Variants in LYPLAL1 observed in about 807,000 individuals in gnomAD.
LYPLAL1 encodes lysophospholipase-like protein 1.
LYPLAL1 carries 23 observed loss-of-function variants against 19.7 expected under a neutral mutation model. The observed-to-expected ratio is 1.17, with a 90% CI of 0.84 to 1.65. LYPLAL1 has a LOEUF of 1.65. LYPLAL1 is among the 40% of genes most tolerant of loss of function. The probability of loss-of-function intolerance (pLI) is 0.00; values close to 1 mark genes in which losing one functional copy is unlikely to be tolerated. For synonymous variants in LYPLAL1, 119 were observed against 96.3 expected (o/e 1.24, Z -1.38); for missense variants, 355 against 279.4 (o/e 1.27, Z -1.93).
chr1:219,411,382 C>T, the LYPLAL1 span, among the ~76,000 whole-genome samples: 1 of 152,156 alleles, frequency 6.6e-6, no homozygotes, highest in Non-Finnish European at 1.5e-5. Context: ...CCAATCAACA[C>T]TGTATCTAGC....
intron 3 of LYPLAL1, among the ~76,000 whole-genome samples, chr1:219,205,195 C>A (rs11118236): frequency 0.97 from 146,279 of 151,274 alleles, 70,926 homozygotes; most frequent in East Asian, 1. Context: ...GTCTCTACTA[C>A]AAATACAAAA....
the LYPLAL1 span, among the ~76,000 whole-genome samples, chr1:219,220,102 A>T: frequency 6.6e-6 from 1 of 152,120 alleles, no homozygotes; most frequent in African/African-American, 2.4e-5. Context: ...CTATAACTTC[A>T]TCTTTTTTCC....
the LYPLAL1 span, among the ~76,000 whole-genome samples, chr1:219,413,919 A>G: frequency 1.3e-5 from 2 of 152,230 alleles, no homozygotes; most frequent in Non-Finnish European, 2.9e-5. Context: ...TATAATATAA[A>G]TTGTGATCTG....
At chr1:219,289,536 C>T in the LYPLAL1 span, among the ~76,000 whole-genome samples, 1 of 152,004 alleles carries the variant, frequency 6.6e-6, no homozygotes, top group Non-Finnish European at 1.5e-5. Context: ...AATAATATAC[C>T]ACACACATAA....
chr1:219,313,142 T>C, the LYPLAL1 span, among the ~76,000 whole-genome samples: 5 of 152,138 alleles, frequency 3.3e-5, no homozygotes, highest in Non-Finnish European at 7.4e-5. Flanking sequence ...TGTAGAGCCA[T>C]GTGCTGTGAC....
the LYPLAL1 span, among the ~76,000 whole-genome samples, chr1:219,350,212 G>A: frequency 2.0e-5 from 3 of 152,056 alleles, no homozygotes; most frequent in East Asian, 3.8e-4. Context: ...TCAGATCGAT[G>A]AAGCCACAGC....
chr1:219,212,257 A>G lies in LYPLAL1; in HGVS notation c.*529A>G, dbSNP rs1047874118. On this transcript the variant is annotated 3_prime_UTR_variant, in exon 5 of 5. Coordinates refer to ENST00000366928, the MANE Select transcript of LYPLAL1 (RefSeq NM_138794.5). ...CAATAGAGGAGTTAAAGACTTTCCC[A>G]CAGCTTGCAGGTCAAGACAAGAAAT... 1 of 152,044 alleles carries G rather than the reference A, an allele frequency of 6.6e-6. No individual in the cohort carries two copies. The highest frequency in any genetic ancestry group is 2.4e-5 in the African/African-American group (1 of 41,410). 9.4% of individuals were successfully genotyped at this position (152,044 alleles called of 1,614,324 possible).
the LYPLAL1 span, among the ~76,000 whole-genome samples, chr1:219,390,437 T>C: frequency 6.6e-6 from 1 of 151,880 alleles, no homozygotes; most frequent in Non-Finnish European, 1.5e-5. Flanking sequence ...GGACTGGGAG[T>C]CATCATCACA....
At chr1:219,405,819 G>C in the LYPLAL1 span, among the ~76,000 whole-genome samples, 2 of 152,166 alleles carry the variant, frequency 1.3e-5, no homozygotes, top group Admixed American at 1.3e-4. Flanking sequence ...GAGGGTCAGA[G>C]CCTGCCCTGA....
At chr1:219,208,903 A>G (rs1293600317) in intron 3 of LYPLAL1, among the ~76,000 whole-genome samples, 2 of 152,100 alleles carry the variant, frequency 1.3e-5, no homozygotes, top group Non-Finnish European at 2.9e-5. Flanking sequence ...TAATTTGTGT[A>G]TTTACGTAAG....
At chr1:219,193,061 G>T (rs887815355) in intron 2 of LYPLAL1, 21 bp from the exon 3 acceptor site, 3 of 1,510,648 alleles carry the variant, frequency 2.0e-6, no homozygotes, top group African/African-American at 1.4e-5. Context: ...TTTTTTTTGG[G>T]GGGGGGCGGT....
chr1:219,216,840 G>A (rs1337087395), downstream of LYPLAL1, among the ~76,000 whole-genome samples: 6 of 141,586 alleles, frequency 4.2e-5, no homozygotes, highest in East Asian at 2.1e-4. Context: ...ACAGTAAGCC[G>A]GGGCAGTCCT....
At chr1:219,343,039 C>T in the LYPLAL1 span, among the ~76,000 whole-genome samples, 6 of 152,128 alleles carry the variant, frequency 3.9e-5, no homozygotes, top group Admixed American at 2.0e-4. Flanking sequence ...CTGTATCTGG[C>T]GCTTGAGGAT....
At chr1:219,397,193 T>C in the LYPLAL1 span, among the ~76,000 whole-genome samples, 6 of 152,256 alleles carry the variant, frequency 3.9e-5, no homozygotes, top group African/African-American at 1.4e-4. Flanking sequence ...TGTCTTTAGC[T>C]ATGTTTATGT....
chr1:219,264,129 G>A, the LYPLAL1 span, among the ~76,000 whole-genome samples: 59 of 152,230 alleles, frequency 3.9e-4, no homozygotes, highest in East Asian at 9.1e-3. Flanking sequence ...CCTATCTCCA[G>A]TGTCAAAGTC....
the LYPLAL1 span, among the ~76,000 whole-genome samples, chr1:219,276,614 T>A: frequency 1.3e-5 from 2 of 152,162 alleles, no homozygotes; most frequent in Non-Finnish European, 1.5e-5. Flanking sequence ...ATGTGTAAAT[T>A]GTGCAAATGT....
At chr1:219,441,044 C>T in the LYPLAL1 span, among the ~76,000 whole-genome samples, 3 of 152,038 alleles carry the variant, frequency 2.0e-5, no homozygotes, top group Non-Finnish European at 2.9e-5. Flanking sequence ...AAGCATGATA[C>T]GTGAAACCAC....
intron 2 of LYPLAL1, among the ~76,000 whole-genome samples, chr1:219,179,945 A>G (rs1481860380): frequency 6.6e-6 from 1 of 151,990 alleles, no homozygotes. Flanking sequence ...CTACGCCCCA[A>G]TCTGATTTTT....
chr1:219,378,589 A>G, the LYPLAL1 span, among the ~76,000 whole-genome samples: 3 of 152,116 alleles, frequency 2.0e-5, no homozygotes, highest in Non-Finnish European at 4.4e-5. Context: ...GAGTAAAAAG[A>G]AAATGGGGGT....
Sources: allele counts gnomAD v4.1 joint callset (sites outside exome capture counted in the v4.1 genomes callset), GRCh38; gene constraint gnomAD v4.1.1; transcripts MANE v1.5; gene names NCBI Gene and HGNC (gene_info 2026-07-23, HGNC 2026-07-21).